Variants in TMC5 observed in about 807,000 individuals in gnomAD.
TMC5 encodes the protein transmembrane channel-like protein 5.
Under a neutral mutation model 110.5 loss-of-function variants are expected in TMC5, and 86 were observed. That is an observed-to-expected ratio of 0.78 (90% CI 0.65 to 0.93). The LOEUF (loss-of-function observed/expected upper bound fraction) is 0.93. Among genes scored for constraint, TMC5 ranks in the 40% least tolerant of loss-of-function variants. The probability of loss-of-function intolerance (pLI) is 0.00; values close to 1 mark genes in which losing one functional copy is unlikely to be tolerated. For missense variants in TMC5, 1,144 were observed against 1,222.8 expected, an observed-to-expected ratio of 0.94 and a Z score of 0.96; for synonymous variants, 455 against 439.5, an observed-to-expected ratio of 1.04 and a Z score of -0.44.
At chr16:19,432,354 G>A (rs1422287852) in intron 2 of TMC5, among the ~76,000 whole-genome samples, 2 of 152,170 alleles carry the variant, frequency 1.3e-5, no homozygotes, top group African/African-American at 4.8e-5. Flanking sequence ...GATATGGAAA[G>A]GAGGAATTGA....
At chr16:19,424,517 C>T (rs1015080332) in intron 1 of TMC5, among the ~76,000 whole-genome samples, 12 of 152,132 alleles carry the variant, frequency 7.9e-5, no homozygotes, top group African/African-American at 2.2e-4. Flanking sequence ...GGCACGGTGG[C>T]GGACCCCTGT....
upstream of TMC5, among the ~76,000 whole-genome samples, chr16:19,415,952 G>A (rs1227767203): frequency 2.0e-5 from 3 of 152,144 alleles, no homozygotes; most frequent in African/African-American, 7.2e-5. Flanking sequence ...AAGCCAAGGT[G>A]GGATGATCAC....
intron 3 of TMC5, among the ~76,000 whole-genome samples, chr16:19,442,807 C>T (rs542965032): frequency 2.6e-5 from 4 of 152,246 alleles, no homozygotes; most frequent in South Asian, 2.1e-4. Flanking sequence ...AGGACTTGGG[C>T]GTGCAGCAGT....
In TMC5 at chr16:19,473,797, T is replaced by TG. The variant is rs1968412306; in HGVS notation, c.1939-324dup. 3.3e-5 allele frequency among the ~76,000 whole-genome samples: 5 copies of TG among 152,164 alleles called. No homozygotes were observed. In the South Asian group the frequency reaches 1.0e-3, roughly 32 times the overall value. On this transcript the variant is annotated intron_variant, in intron 11 of 21. Coordinates refer to ENST00000542583, the MANE Select transcript of TMC5 (RefSeq NM_001261841.2). ...GAGTTAGAGACCAGCCTGGCCAACA[T>TG]GGGGAAACCCCATCTCTACTAAAAA... is the stretch of plus-strand genomic sequence containing the variant.
At chr16:19,453,011 T>TATATATTA (rs71375640) in intron 5 of TMC5, among the ~76,000 whole-genome samples, 1 of 145,486 alleles carries the variant, frequency 6.9e-6, no homozygotes, top group Admixed American at 6.9e-5. Flanking sequence ...TATATATATA[T>TATATATTA]TATATATATA....
intron 8 of TMC5, 41 bp downstream of exon 8, chr16:19,464,065 C>T (rs1305191549): frequency 1.3e-6 from 2 of 1,597,384 alleles, no homozygotes; most frequent in African/African-American, 1.3e-5. Flanking sequence ...CACCAATCAC[C>T]TCGGAAACCC....
chr16:19,443,937 A>G, intron 3 of TMC5, 144 bp from the exon 4 acceptor site: 1 of 766,036 alleles, frequency 1.3e-6, no homozygotes, highest in Non-Finnish European at 2.1e-6. Flanking sequence ...GGATACATGG[A>G]TGGATGGATG....
Position 19,498,187 on chromosome 16 carries a change from G to GT in TMC5, c.*225dup. The GT allele has an allele frequency of 1.8e-6, 1 of 544,930 alleles. No individual in the cohort carries two copies. The highest frequency in any genetic ancestry group is 3.3e-6 in the Non-Finnish European group (1 of 306,964). 33.8% of individuals were successfully genotyped at this position (544,930 alleles called of 1,614,324 possible). A position where few individuals can be genotyped will look rare whatever the true frequency, so the allele number is the denominator to read the frequency against. On this transcript the variant is annotated 3_prime_UTR_variant, in exon 22 of 22. Coordinates refer to ENST00000542583, the MANE Select transcript of TMC5 (RefSeq NM_001261841.2). ...GATTTTTCAAGACAAAATACTTGGGGTTTTCCAATAAAGATTGTTGTAATA... is the reference window on the plus strand; with the variant it reads ...GATTTTTCAAGACAAAATACTTGGGGTTTTTCCAATAAAGATTGTTGTAATA...
At chr16:19,425,327 C>CTTTTTTT (rs35472194) in intron 1 of TMC5, among the ~76,000 whole-genome samples, 1 of 124,586 alleles carries the variant, frequency 8.0e-6, no homozygotes. Context: ...GTTGAGTTTG[C>CTTTTTTT]TTTTTTTTTT....
intron 5 of TMC5, 112 bp downstream of exon 5, chr16:19,449,743 T>G (rs1466705505): frequency 1.1e-6 from 1 of 892,734 alleles, no homozygotes; most frequent in Non-Finnish European, 1.8e-6. Context: ...GGGGGTGGTT[T>G]CCCCCATGCT....
At chr16:19,481,968 G>A (rs1968629338) in intron 15 of TMC5, among the ~76,000 whole-genome samples, 1 of 152,182 alleles carries the variant, frequency 6.6e-6, no homozygotes, top group Admixed American at 6.5e-5. Flanking sequence ...GAATCACTAA[G>A]CAGGGCCTCA....
rs1481653320 is a variant in TMC5, at chr16:19,478,758, T to TCATC, written c.2170-664_2170-661dup. 4.6e-5 allele frequency among the ~76,000 whole-genome samples: 7 copies of TCATC among 152,148 alleles called. No homozygotes were observed. In the East Asian group the frequency reaches 1.4e-3, roughly 29 times the overall value. On this transcript the variant is annotated intron_variant, in intron 13 of 21. Transcript: ENST00000542583. ...TCCAGCCATCTATTCATCCATCCAT[T>TCATC]CATCCATCCATCTATATACCCATCT... is the stretch of plus-strand genomic sequence containing the variant.
In TMC5 at chr16:19,448,838, T is replaced by A. The variant is rs1377741871; in HGVS notation, c.959-704T>A. Among the ~76,000 whole-genome samples the A allele has an allele frequency of 4.1e-5, 6 of 146,496 alleles. No homozygotes were observed. The East Asian group carries it at 1.2e-3, about 29-fold the overall frequency. On this transcript the variant is annotated intron_variant, in intron 4 of 21. Coordinates refer to ENST00000542583, the MANE Select transcript of TMC5 (RefSeq NM_001261841.2). ...TATAAAATATATATTTATTTTTATA[T>A]CATGTAGTTTATATGTATTTTTTTC...
At chr16:19,432,341 T>A (rs763238826) in intron 2 of TMC5, among the ~76,000 whole-genome samples, 1 of 152,078 alleles carries the variant, frequency 6.6e-6, no homozygotes, top group African/African-American at 2.4e-5. Context: ...AAACCCTAAA[T>A]GGGATATGGA....
chr16:19,489,004 T>G (rs1215475292), intron 17 of TMC5, among the ~76,000 whole-genome samples: 2 of 147,242 alleles, frequency 1.4e-5, no homozygotes, highest in African/African-American at 5.4e-5. Context: ...CACAACACCC[T>G]TGCTCCTCTT....
intron 15 of TMC5, among the ~76,000 whole-genome samples, chr16:19,485,815 G>A (rs1292292680): frequency 6.6e-6 from 1 of 152,200 alleles, no homozygotes; most frequent in African/African-American, 2.4e-5. Flanking sequence ...ACCACACTGA[G>A]ATTTTCTCCT....
chr16:19,417,536 C>G (rs1966887883), upstream of TMC5, among the ~76,000 whole-genome samples: 3 of 150,094 alleles, frequency 2.0e-5, no homozygotes, highest in Admixed American at 2.0e-4. Flanking sequence ...ACCTCACACT[C>G]TAGGGTTAAA....
chr16:19,456,216 A>ATAT lies in TMC5; in HGVS notation c.1049-4019_1049-4018insTAT, dbSNP rs1443172182. Among the ~76,000 whole-genome samples, 78 of 148,692 alleles carry ATAT rather than the reference A, an allele frequency of 5.2e-4. 3 individuals carry two copies. The South Asian group carries it at 5.3e-3, about 10-fold the overall frequency. Reference sequence around the variant, plus strand: ...AGCGAGACTCCATCTCAAAAAAAAAAATATATATATACACACATTTAGAAT... The same window carrying ATAT: ...AGCGAGACTCCATCTCAAAAAAAAAATATATATATATATACACACATTTAGAAT... On this transcript the variant is annotated intron_variant, in intron 5 of 21. Transcript: ENST00000542583.
At chr16:19,433,984 T>G in intron 2 of TMC5, among the ~76,000 whole-genome samples, 1 of 127,530 alleles carries the variant, frequency 7.8e-6, no homozygotes, top group African/African-American at 3.1e-5. Context: ...CATGCCCAGC[T>G]AATTTATATA....
Sources: allele counts gnomAD v4.1 joint callset (sites outside exome capture counted in the v4.1 genomes callset), GRCh38; gene constraint gnomAD v4.1.1; transcripts MANE v1.5; gene names NCBI Gene and HGNC (gene_info 2026-07-23, HGNC 2026-07-21).